The following FANCI variants were observed in gnomAD, a reference collection of about 807,000 sequenced individuals.
FANCI encodes FA complementation group I.
FANCI carries 156 observed loss-of-function variants against 176.1 expected under a neutral mutation model. The observed-to-expected ratio is 0.89, with a 90% confidence interval of 0.78 to 1.01. The LOEUF is 1.01. Among genes scored for constraint, FANCI ranks in the 50% least tolerant of loss-of-function variants. FANCI has a pLI of 0.00. For synonymous variants in FANCI, 613 were observed against 541.7 expected (o/e 1.13, Z -1.83); for missense variants, 1,678 against 1,534.1 (o/e 1.09, Z -1.57).
At chr15:89,308,257 C>A (rs2054805076) in intron 34 of FANCI, 3 of 825,134 alleles carry the variant, frequency 3.6e-6, no homozygotes, top group Non-Finnish European at 4.4e-6. Context: ...TGAGTAGCAT[C>A]CCTGGCCTCC....
rs563816565 is a variant in FANCI, at chr15:89,297,559, G to A, written c.2637-2241G>A. Among the ~76,000 whole-genome samples the A allele has an allele frequency of 1.1e-4, 17 of 152,306 alleles. No homozygotes were observed. In the South Asian group the frequency reaches 3.1e-3, roughly 28 times the overall value. ...GGATCACTCGTGGTTAGGAGCTGGA[G>A]ACCAACCCGGCCAACACAGCGAAAC... is the stretch of plus-strand genomic sequence containing the variant. On this transcript the variant is annotated intron_variant, in intron 24 of 37. Coordinates refer to ENST00000310775, the MANE Select transcript of FANCI (RefSeq NM_001113378.2).
At chr15:89,253,013 TGA>T (rs1353559694) in intron 2 of FANCI, among the ~76,000 whole-genome samples, 1 of 152,184 alleles carries the variant, frequency 6.6e-6, no homozygotes, top group African/African-American at 2.4e-5. Flanking sequence ...AAAAGAGCTC[TGA>T]GAGAGGATTA....
At position 89,316,339 on chromosome 15, in the gene FANCI, T is replaced by C. The variant is rs2055258242; in HGVS notation, c.3925-58T>C. On this transcript the variant is annotated intron_variant, in intron 37 of 37. Transcript: ENST00000310775. ...AGAGTCTTTTTTTTCCTTCTTTTTATTTCCACTGCCTTGGAGCAGGTTTAT... is the reference window on the plus strand; with the variant it reads ...AGAGTCTTTTTTTTCCTTCTTTTTACTTCCACTGCCTTGGAGCAGGTTTAT... 2.0e-6 allele frequency: 3 copies of C among 1,530,150 alleles called. No homozygotes were observed. The African/African-American group carries it at 4.1e-5, about 21-fold the overall frequency. The allele number at this position is 1,530,150 out of a possible 1,614,324, so 94.8% of individuals were successfully genotyped here.
chr15:89,314,386 T>C (rs1053361347), intron 35 of FANCI, among the ~76,000 whole-genome samples: 1 of 152,186 alleles, frequency 6.6e-6, no homozygotes, highest in African/African-American at 2.4e-5. Context: ...TAACAACAAA[T>C]ACTGGAATTA....
chr15:89,247,956 A>G (rs772990360), intron 2 of FANCI, among the ~76,000 whole-genome samples: 18 of 152,200 alleles, frequency 1.2e-4, no homozygotes, highest in South Asian at 2.1e-4. Context: ...TAAACCTGAA[A>G]TAGTTTAAGA....
chr15:89,258,619 G>A lies in FANCI; in HGVS notation c.85-85G>A, dbSNP rs1054035181. 3 of 1,000,636 alleles carry A rather than the reference G, an allele frequency of 3.0e-6. No individual in the cohort carries two copies. The African/African-American group carries it at 4.8e-5, about 16-fold the overall frequency. 62.0% of individuals were successfully genotyped at this position (1,000,636 alleles called of 1,614,324 possible). On this transcript the variant is annotated intron_variant, in intron 2 of 37. Transcript: ENST00000310775. ...GTCTCTGAATGATCTGAACGTGACA[G>A]AAGAGTACTTTTTCATATTGAGTGT...
At chr15:89,295,653 C>T (rs1191218228) in intron 24 of FANCI, among the ~76,000 whole-genome samples, 12 of 151,118 alleles carry the variant, frequency 7.9e-5, no homozygotes, top group Non-Finnish European at 1.6e-4. Flanking sequence ...GCAACAAGAG[C>T]GAAACTCCAT....
At chr15:89,288,060 G>A (rs1206587953) in intron 18 of FANCI, among the ~76,000 whole-genome samples, 1 of 152,156 alleles carries the variant, frequency 6.6e-6, no homozygotes, top group African/African-American at 2.4e-5. Context: ...TTGATGTAGG[G>A]TTGCCACAAA....
chr15:89,275,873 C>T (rs940669661), intron 12 of FANCI, among the ~76,000 whole-genome samples: 1 of 152,204 alleles, frequency 6.6e-6, no homozygotes, highest in Non-Finnish European at 1.5e-5. Flanking sequence ...TTTGGATAGC[C>T]TTATTAGATC....
intron 34 of FANCI, among the ~76,000 whole-genome samples, chr15:89,311,285 A>G (rs1468372940): frequency 1.3e-5 from 2 of 148,926 alleles, no homozygotes; most frequent in Non-Finnish European, 3.0e-5. Flanking sequence ...CGGGCATGGT[A>G]GTGCGTGCCT....
intron 9 of FANCI, among the ~76,000 whole-genome samples, chr15:89,265,900 C>A (rs1480762280): frequency 6.6e-6 from 1 of 152,104 alleles, no homozygotes; most frequent in East Asian, 1.9e-4. Flanking sequence ...TTAAACCTCA[C>A]AACCCTATTT....
rs2055177199 is a variant in FANCI, at chr15:89,315,188, GA to G, written c.3817-91del. The G allele has an allele frequency of 3.3e-6, 3 of 909,894 alleles. No individual in the cohort carries two copies. In the East Asian group the frequency reaches 7.2e-5, roughly 22 times the overall value. 56.4% of individuals were successfully genotyped at this position (909,894 alleles called of 1,614,324 possible). Reference sequence around the variant, plus strand: ...TGCGTGCTTGCTTTAGGTAGAAATGGAAAGGTTTCTCAGAGGTGAACTAAAA... The same window carrying G: ...TGCGTGCTTGCTTTAGGTAGAAATGGAAGGTTTCTCAGAGGTGAACTAAAA... On this transcript the variant is annotated intron_variant, in intron 36 of 37. Transcript: ENST00000310775.
intron 27 of FANCI, among the ~76,000 whole-genome samples, chr15:89,302,921 G>C (rs188436646): frequency 3.3e-5 from 5 of 152,228 alleles, no homozygotes; most frequent in Admixed American, 2.6e-4. Flanking sequence ...CCTATGATTT[G>C]AAAACCAGAG....
intron 16 of FANCI, chr15:89,282,068 A>G: frequency 2.0e-6 from 1 of 502,890 alleles, no homozygotes; most frequent in African/African-American, 1.9e-5. Flanking sequence ...TTTACAGATA[A>G]GAAAAGTTAG....
At chr15:89,273,352 C>A in intron 10 of FANCI, 25 bp from the exon 11 acceptor site, 17 of 1,028,240 alleles carry the variant, frequency 1.7e-5, no homozygotes, top group Non-Finnish European at 2.5e-5. Context: ...AAGTAAATGA[C>A]TTCCTTTTGG....
chr15:89,289,514 A>C (rs2053974909), intron 18 of FANCI, among the ~76,000 whole-genome samples: 1 of 152,084 alleles, frequency 6.6e-6, no homozygotes, highest in Non-Finnish European at 1.5e-5. Context: ...CATGTTGACC[A>C]GGCTGGTCTC....
At chr15:89,301,176 C>A in intron 26 of FANCI, 150 bp from the exon 27 acceptor site, 1 of 715,716 alleles carries the variant, frequency 1.4e-6, no homozygotes. Flanking sequence ...CTGCTCAATT[C>A]AGGTGTATTT....
intron 24 of FANCI, 90 bp from the exon 25 acceptor site, chr15:89,299,710 C>G: frequency 7.6e-7 from 1 of 1,314,938 alleles, no homozygotes; most frequent in Non-Finnish European, 1.1e-6. Flanking sequence ...ACTTCTAGAA[C>G]TGTTCACCTA....
At position 89,273,387 on chromosome 15, in the gene FANCI, A is replaced by C. The variant is rs1273241247; in HGVS notation, c.893A>C (p.Gln298Pro). The C allele has an allele frequency of 6.3e-7, 1 of 1,590,988 alleles. No individual in the cohort carries two copies. The highest frequency in any genetic ancestry group is 1.1e-5 in the South Asian group (1 of 90,068). Residue 298 changes from glutamine (Q) to proline (P), a missense_variant, in exon 11 of 38, where the codon CAA becomes CCA. Around this residue, in one of 3 missense-constraint regions of FANCI, gnomAD observed 469 missense variants for 436.9 expected, o/e 1.07. Transcript: ENST00000310775. ...ELVKHLKVGQ[Q>P]GDSNNNLSPF... ...GTTGCTCTCTTCTAGGTAGGACAGC[A>C]AGGAGATTCCAATAATAACTTAAGT...
Sources: gnomAD v4.1 joint callset for allele counts (sites outside exome capture counted in the v4.1 genomes callset) on GRCh38, gnomAD v4.1.1 for gene constraint, gnomAD v4.1.1 regional missense constraint, MANE v1.5 for transcripts, NCBI Gene and HGNC (gene_info 2026-07-23, HGNC 2026-07-21) for gene names.